Variants in SBNO1 observed in about 807,000 individuals in gnomAD.
The protein encoded by SBNO1 is protein strawberry notch homolog 1.
Under a neutral mutation model 173.6 loss-of-function variants are expected in SBNO1, and 23 were observed. That is an observed-to-expected ratio of 0.13 (90% CI 0.10 to 0.19). SBNO1 has a LOEUF of 0.19. Ranked by LOEUF, SBNO1 falls within the 10% of genes least tolerant of loss-of-function variation. The pLI, the probability that SBNO1 is intolerant of heterozygous loss-of-function variation, is 1.00. For synonymous variants in SBNO1, 632 were observed against 571.5 expected (o/e 1.11, Z -1.51); for missense variants, 1,238 against 1,671.2 (o/e 0.74, Z 4.52).
chr12:123,350,562 A>C (rs1593410554), intron 1 of SBNO1, 121 bp from the exon 2 acceptor site: 2 of 774,842 alleles, frequency 2.6e-6, no homozygotes, highest in African/African-American at 1.7e-5. Flanking sequence ...TTAATGAAGA[A>C]CCTGCCATGT....
At chr12:123,330,635 A>C (rs1472661952) in intron 8 of SBNO1, 126 bp from the exon 9 acceptor site, 1 of 438,672 alleles carries the variant, frequency 2.3e-6, no homozygotes. Context: ...AAATACACTT[A>C]CTCATTAAAA....
At chr12:123,317,382 G>A (rs1478158418) in intron 20 of SBNO1, 26 bp from the exon 21 acceptor site, 1 of 1,612,088 alleles carries the variant, frequency 6.2e-7, no homozygotes, top group African/African-American at 1.3e-5. Flanking sequence ...GAAAAATAAA[G>A]TCACTTTTGC....
At chr12:123,311,720 C>CTATCTATCTATCTATA (rs1224940028) in intron 24 of SBNO1, among the ~76,000 whole-genome samples, 31 of 127,438 alleles carry the variant, frequency 2.4e-4, no homozygotes, top group East Asian at 6.4e-4. Context: ...ATCTATCTAT[C>CTATCTATCTATCTATA]TATATATATA....
intron 13 of SBNO1, among the ~76,000 whole-genome samples, chr12:123,326,826 CAG>C (rs1318008630): frequency 6.6e-6 from 1 of 152,102 alleles, no homozygotes; most frequent in Non-Finnish European, 1.5e-5. Context: ...ACTCAGGAGG[CAG>C]AGTCTGGAGG....
chr12:123,345,457 G>A lies in SBNO1; in HGVS notation c.351C>T (p.Thr117=). ...TCTGGATAAACTTAGTTAAAGTGAT[G>A]GTTTGCCTGTTGGTTGTTACAGGTG... The part of the protein sequence containing the change: ...KTPPVTTNRQ[T]ITLTKFIQTT... The change falls in exon 4 of 32, where the codon ACC becomes ACT. Residue 117 remains threonine (T), a synonymous_variant. Coordinates refer to ENST00000602398, the MANE Select transcript of SBNO1 (RefSeq NM_001167856.3). The A allele has an allele frequency of 5.6e-6, 9 of 1,614,142 alleles. No homozygotes were observed. In the South Asian group the frequency reaches 9.9e-5, roughly 18 times the overall value.
rs1870779095 is a variant in SBNO1, at chr12:123,327,957, C to G, written c.1367G>C (p.Gly456Ala). ...PVGSSKPTKT[G>A]LAVLELQNKL... ...GTTCTGAAGCTCTAAAACTGCTAAG[C>G]CTGTCTTGGTTGGCTTTGAAGAACC... The change falls in exon 11 of 32, where the codon GGC (glycine) becomes GCC (alanine). Residue 456 changes from glycine to alanine, a missense_variant. Transcript: ENST00000602398. 1 of 1,613,324 alleles carries G rather than the reference C, an allele frequency of 6.2e-7. No individual in the cohort carries two copies. The highest frequency in any genetic ancestry group is 8.5e-7 in the Non-Finnish European group (1 of 1,179,580).
chr12:123,298,226 G>A (rs1431260501), intron 30 of SBNO1, 55 bp from the exon 31 acceptor site: 17 of 1,458,640 alleles, frequency 1.2e-5, no homozygotes, highest in South Asian at 6.2e-5. Context: ...ACACAGACAC[G>A]TTTCTAAAAG....
intron 31 of SBNO1, among the ~76,000 whole-genome samples, chr12:123,296,314 A>T (rs1321431187): frequency 7.9e-6 from 1 of 126,800 alleles, no homozygotes; most frequent in Non-Finnish European, 1.7e-5. Flanking sequence ...AATATCTATT[A>T]TTCTCTTTTT....
rs1439716879 is a variant in SBNO1, at chr12:123,331,393, G to A, written c.910-18C>T. 3 of 1,610,566 alleles carry A rather than the reference G, an allele frequency of 1.9e-6. No homozygotes were observed. The highest frequency in any genetic ancestry group is 2.2e-5 in the East Asian group (1 of 44,858). On this transcript the variant is annotated intron_variant, in intron 7 of 31. Transcript: ENST00000602398. The stretch of plus-strand genomic sequence containing the variant: ...TCATGTTGCTGAAAAACAAAAGGCT[G>A]GTAATTAATATAATCCTTCAGATAT...
At position 123,304,659 on chromosome 12, in the gene SBNO1, A is replaced by C; in HGVS notation, c.3691T>G (p.Phe1231Val). Residue 1231 changes from phenylalanine (F) to valine (V), a missense_variant, in exon 29 of 32, where the codon TTC becomes GTC. By Grantham distance (50) the Phe-to-Val change is conservative. Coordinates refer to ENST00000602398, the MANE Select transcript of SBNO1 (RefSeq NM_001167856.3). The stretch of plus-strand genomic sequence containing the variant: ...CCAGTATTTGGTCGATAAACTAAGA[A>C]AAGTTTCTTTTTAGGATTCACTTCT... ...VKEVNPKKKL[F>V]LVYRPNTGKQ... 6.4e-7 allele frequency: 1 copy of C among 1,571,226 alleles called. No individual in the cohort carries two copies. Among genetic ancestry groups the C allele is most frequent in the African/African-American group, 1.4e-5 (1 of 74,064 alleles).
At chr12:123,305,313 G>C (rs1203871977) in intron 28 of SBNO1, among the ~76,000 whole-genome samples, 1 of 152,180 alleles carries the variant, frequency 6.6e-6, no homozygotes, top group Non-Finnish European at 1.5e-5. Flanking sequence ...ACAGGGTTTT[G>C]AAGGGCAAAG....
intron 30 of SBNO1, among the ~76,000 whole-genome samples, chr12:123,300,126 C>CAATA (rs2048736822): frequency 6.6e-6 from 1 of 152,164 alleles, no homozygotes; most frequent in Non-Finnish European, 1.5e-5. Context: ...TAAAGATGCC[C>CAATA]TTCTGGTTAG....
intron 13 of SBNO1, 36 bp downstream of exon 13, chr12:123,327,390 T>A: frequency 6.4e-7 from 1 of 1,565,090 alleles, no homozygotes; most frequent in Non-Finnish European, 8.7e-7. Context: ...ATCAGATACA[T>A]TAAATAAACA....
chr12:123,313,427 C>G (rs186029604), intron 24 of SBNO1, among the ~76,000 whole-genome samples, 193 bp downstream of exon 24: 230 of 152,034 alleles, frequency 1.5e-3, no homozygotes, highest in Admixed American at 6.2e-3. Context: ...AGAGCACTTT[C>G]ATTTGAATAA....
chr12:123,321,688 C>A lies in SBNO1; in HGVS notation c.2170G>T (p.Gly724Cys), dbSNP rs760144529. The A allele has an allele frequency of 3.1e-5, 50 of 1,613,938 alleles. 1 individual carries two copies. Among genetic ancestry groups the A allele is most frequent in the Non-Finnish European group, 4.2e-5 (49 of 1,180,020 alleles). The change falls in exon 17 of 32, where the codon GGC becomes TGC. Residue 724 changes from glycine to cysteine, a missense_variant. By Grantham distance (159) the Gly-to-Cys change is radical. Coordinates refer to ENST00000602398, the MANE Select transcript of SBNO1 (RefSeq NM_001167856.3). The part of the protein sequence containing the change: ...REAKKARKVG[G>C]LTGSSSDDSG... Reference sequence around the variant, plus strand: ...TCGTCAGAACTGCTACCAGTAAGGCCACCTACTTTTCGTGCTTTTTTGGCT... The same window carrying A: ...TCGTCAGAACTGCTACCAGTAAGGCAACCTACTTTTCGTGCTTTTTTGGCT...
chr12:123,324,724 C>T (rs990783433), intron 15 of SBNO1, among the ~76,000 whole-genome samples: 13 of 152,264 alleles, frequency 8.5e-5, no homozygotes, highest in African/African-American at 3.1e-4. Flanking sequence ...GTTAGGCAAA[C>T]TAAAAACAAT....
rs2049009315 is a variant in SBNO1 at position 123,309,807 on chromosome 12, C to A, written c.3345G>T (p.Val1115=). ...KFLNRILGME[V]HQQNALFQYF... ...ACTGAAATAACGCATTCTGCTGATGCACCTCCATGCCTAAAATTCTATTTA... is the reference window on the plus strand; with the variant it reads ...ACTGAAATAACGCATTCTGCTGATGAACCTCCATGCCTAAAATTCTATTTA... Residue 1115 remains valine (V), a synonymous_variant, in exon 26 of 32, where the codon GTG becomes GTT. Transcript: ENST00000602398. 2 of 1,610,456 alleles carry A rather than the reference C, an allele frequency of 1.2e-6. No homozygotes were observed. Among genetic ancestry groups the A allele is most frequent in the African/African-American group, 2.7e-5 (2 of 74,818 alleles).
chr12:123,301,589 G>A (rs540074360), intron 30 of SBNO1, among the ~76,000 whole-genome samples: 2 of 152,132 alleles, frequency 1.3e-5, no homozygotes, highest in African/African-American at 4.8e-5. Flanking sequence ...AAGAGTATAC[G>A]AGGTCACAAA....
At chr12:123,351,450 C>A (rs1232375038) in intron 1 of SBNO1, among the ~76,000 whole-genome samples, 2 of 152,110 alleles carry the variant, frequency 1.3e-5, no homozygotes, top group African/African-American at 4.8e-5. Flanking sequence ...TGCCTAGAGA[C>A]CCCGTATCTA....
Sources: allele counts gnomAD v4.1 joint callset (sites outside exome capture counted in the v4.1 genomes callset), GRCh38; gene constraint gnomAD v4.1.1; transcripts MANE v1.5; gene names NCBI Gene and HGNC (gene_info 2026-07-23, HGNC 2026-07-21).